Variants in USP32 observed in about 807,000 individuals in gnomAD.
USP32 encodes the protein ubiquitin specific peptidase 32, also known as ubiquitin carboxyl-terminal hydrolase 32.
A neutral mutation model predicts 204.8 loss-of-function variants in USP32; 59 were observed. The observed-to-expected ratio is 0.29, with a 90% CI of 0.23 to 0.36. USP32 has a LOEUF of 0.36. Ranked by LOEUF, USP32 falls within the 10% of genes least tolerant of loss-of-function variation. The probability of loss-of-function intolerance (pLI) is 1.00; values close to 1 mark genes in which losing one functional copy is unlikely to be tolerated. For missense variants in USP32, 1,160 were observed against 1,946.4 expected, an observed-to-expected ratio of 0.60 and a Z score of 7.60; for synonymous variants, 517 against 678.4, an observed-to-expected ratio of 0.76 and a Z score of 3.70.
intron 1 of USP32, among the ~76,000 whole-genome samples, chr17:60,380,744 G>A (rs1259728531): frequency 6.6e-6 from 1 of 152,160 alleles, no homozygotes; most frequent in East Asian, 1.9e-4. Flanking sequence ...ACTTTCCAAT[G>A]TACCCTATTC....
intron 7 of USP32, 27 bp downstream of exon 7, chr17:60,269,423 T>C (rs1353239959): frequency 6.3e-7 from 1 of 1,579,722 alleles, no homozygotes; most frequent in South Asian, 1.1e-5. Flanking sequence ...TAGTTTGCAA[T>C]TTTTTGACAA....
intron 1 of USP32, among the ~76,000 whole-genome samples, chr17:60,354,978 A>T (rs1436133517): frequency 6.6e-6 from 1 of 152,206 alleles, no homozygotes; most frequent in Admixed American, 6.5e-5. Context: ...CAGGAGGTGG[A>T]AGTTGCAGTG....
intron 11 of USP32, 113 bp downstream of exon 11, chr17:60,252,268 T>C (rs957525733): frequency 1.2e-5 from 10 of 857,886 alleles, no homozygotes; most frequent in Admixed American, 2.9e-5. Context: ...AATATGTAAC[T>C]ATTTTTGAGA....
chr17:60,341,136 C>A (rs145926251), intron 2 of USP32, among the ~76,000 whole-genome samples: 411 of 152,290 alleles, frequency 2.7e-3, no homozygotes, highest in African/African-American at 9.1e-3. Flanking sequence ...GTGAATCTGA[C>A]AACTATGTGT....
chr17:60,405,570 TG>T (rs2089969320), intron 1 of USP32, among the ~76,000 whole-genome samples: 1 of 152,162 alleles, frequency 6.6e-6, no homozygotes, highest in Admixed American at 6.5e-5. Flanking sequence ...GAGACCAGCA[TG>T]GGCAACATAT....
chr17:60,263,314 G>T (rs1425786422), intron 9 of USP32, among the ~76,000 whole-genome samples: 1 of 152,062 alleles, frequency 6.6e-6, no homozygotes, highest in African/African-American at 2.4e-5. Context: ...CTATCCAAGG[G>T]TAACATCTAG....
rs560558192 is a variant in USP32 at position 60,220,412 on chromosome 17, C to T, written c.1750-625G>A. 1.9e-4 allele frequency among the ~76,000 whole-genome samples: 29 copies of T among 152,250 alleles called. No individual in the cohort carries two copies. The South Asian group carries it at 5.6e-3, about 29-fold the overall frequency. On this transcript the variant is annotated intron_variant, in intron 15 of 33. Coordinates refer to ENST00000300896, the MANE Select transcript of USP32 (RefSeq NM_032582.4). ...ACTGTTCCCATATAAAAATTTACTA[C>T]GTTCTACTTGCGTAACCAGTCTGTT...
chr17:60,206,418 G>A (rs2084826734), intron 25 of USP32, among the ~76,000 whole-genome samples: 1 of 149,460 alleles, frequency 6.7e-6, no homozygotes, highest in Non-Finnish European at 1.5e-5. Flanking sequence ...GGTGGATACT[G>A]TATTGGATGG....
At chr17:60,317,908 C>T (rs556076694) in intron 2 of USP32, among the ~76,000 whole-genome samples, 108 of 152,298 alleles carry the variant, frequency 7.1e-4, no homozygotes, top group Non-Finnish European at 1.4e-3. Context: ...TCACTGGAAC[C>T]CAGGAGGCAG....
At chr17:60,279,941 G>A (rs939855593) in intron 5 of USP32, among the ~76,000 whole-genome samples, 1 of 151,540 alleles carries the variant, frequency 6.6e-6, no homozygotes, top group Admixed American at 6.6e-5. Flanking sequence ...TAGTTAAGAT[G>A]TATTAAACCA....
Position 60,421,400 on chromosome 17 carries a change from C to A in USP32, c.106+846G>T, listed in dbSNP as rs1028327150. On this transcript the variant is annotated intron_variant, in intron 1 of 3. Transcript: ENST00000588898. ...GAAGCCGCTATGCCCCTCTCCTGTG[C>A]CCGAGGTGGCCGCTGGGTGGCAGGG... 11 of 985,544 alleles carry A rather than the reference C, an allele frequency of 1.1e-5. No homozygotes were observed. The African/African-American group carries it at 1.9e-4, about 17-fold the overall frequency. 61.0% of individuals were successfully genotyped at this position (985,544 alleles called of 1,614,324 possible). A position where few individuals can be genotyped will look rare whatever the true frequency, so the allele number is the denominator to read the frequency against.
At position 60,198,940 on chromosome 17, in the gene USP32, C is replaced by T. The variant is rs115047082; in HGVS notation, c.3250-496G>A. Among the ~76,000 whole-genome samples the T allele has an allele frequency of 1.3e-3, 201 of 152,024 alleles. 1 individual carries two copies. The highest frequency in any genetic ancestry group is 4.5e-3 in the African/African-American group (188 of 41,458). On this transcript the variant is annotated intron_variant, in intron 26 of 33. Transcript: ENST00000300896. ...ATCAGAATGGGCAATGTAGGGAGAC[C>T]CTATCTCTATAAAGAAATAAATACA... is the stretch of plus-strand genomic sequence containing the variant.
At chr17:60,225,386 G>C (rs1377645147) in intron 13 of USP32, among the ~76,000 whole-genome samples, 1 of 152,146 alleles carries the variant, frequency 6.6e-6, no homozygotes, top group Non-Finnish European at 1.5e-5. Flanking sequence ...GGGGCCAGGA[G>C]GCAGAGGCTG....
rs889612747 is a variant in USP32, at chr17:60,214,412, T to C, written c.2022+208A>G. ...ACTTAAAAGATGAACTTTTCACTGATATCCTAGACATGGCTTTTAGCATAA... is the reference window on the plus strand; with the variant it reads ...ACTTAAAAGATGAACTTTTCACTGACATCCTAGACATGGCTTTTAGCATAA... On this transcript the variant is annotated intron_variant, in intron 17 of 33. Coordinates refer to ENST00000300896, the MANE Select transcript of USP32 (RefSeq NM_032582.4). 9.2e-4 allele frequency among the ~76,000 whole-genome samples: 140 copies of C among 151,772 alleles called. 1 individual carries two copies. The highest frequency in any genetic ancestry group is 3.2e-3 in the African/African-American group (133 of 41,036).
At chr17:60,224,190 A>C (rs1211812892) in intron 13 of USP32, among the ~76,000 whole-genome samples, 1 of 152,254 alleles carries the variant, frequency 6.6e-6, no homozygotes, top group East Asian at 1.9e-4. Flanking sequence ...TCTCAACTAC[A>C]TGCTAATCTT....
At chr17:60,347,466 G>A (rs1472423928) in intron 1 of USP32, among the ~76,000 whole-genome samples, 3 of 150,914 alleles carry the variant, frequency 2.0e-5, no homozygotes, top group Non-Finnish European at 2.9e-5. Flanking sequence ...CCATTCTCCC[G>A]CCTCAGCCTC....
At chr17:60,332,949 T>C (rs2088425789) in intron 2 of USP32, among the ~76,000 whole-genome samples, 2 of 152,166 alleles carry the variant, frequency 1.3e-5, no homozygotes, top group African/African-American at 4.8e-5. Flanking sequence ...TGTGAAAACA[T>C]CTTACTCTAT....
intron 1 of USP32, among the ~76,000 whole-genome samples, chr17:60,375,965 G>A (rs112161223): frequency 5.9e-5 from 9 of 152,164 alleles, no homozygotes; most frequent in African/African-American, 2.2e-4. Flanking sequence ...CTTCCTATGT[G>A]TGTAATCAAA....
At chr17:60,380,309 G>A (rs1391134817) in intron 1 of USP32, among the ~76,000 whole-genome samples, 1 of 152,234 alleles carries the variant, frequency 6.6e-6, no homozygotes, top group Non-Finnish European at 1.5e-5. Flanking sequence ...GCTCACGCCT[G>A]TAATCCCAAC....
Sources: allele counts gnomAD v4.1 joint callset (sites outside exome capture counted in the v4.1 genomes callset), GRCh38; gene constraint gnomAD v4.1.1; transcripts MANE v1.5; gene names NCBI Gene and HGNC (gene_info 2026-07-23, HGNC 2026-07-21).